SPAST: variants seen among roughly 807,000 people sequenced by gnomAD.
The protein encoded by SPAST is spastic paraplegia 4 (autosomal dominant; spastin).
Under a neutral mutation model 76.6 loss-of-function variants are expected in SPAST, and 30 were observed. The ratio of observed to expected loss-of-function variants is 0.39; its 90% CI spans 0.29 to 0.53. The LOEUF (loss-of-function observed/expected upper bound fraction) is 0.53. Ranked by LOEUF, SPAST falls within the 20% of genes least tolerant of loss-of-function variation. SPAST has a pLI of 0.68. For synonymous variants in SPAST, 305 were observed against 281.0 expected, an observed-to-expected ratio of 1.09 and a Z score of -0.86; for missense variants, 717 against 770.5, an observed-to-expected ratio of 0.93 and a Z score of 0.82.
At chr2:32,085,189 T>G (rs1391642863) in intron 1 of SPAST, among the ~76,000 whole-genome samples, 1 of 149,184 alleles carries the variant, frequency 6.7e-6, no homozygotes, top group Admixed American at 6.8e-5. Flanking sequence ...CTTAATAATT[T>G]CTTTTTCTTC....
At chr2:32,116,049 G>A in intron 6 of SPAST, 70 bp from the exon 7 acceptor site, 1 of 1,163,146 alleles carries the variant, frequency 8.6e-7, no homozygotes, top group Non-Finnish European at 1.3e-6. Flanking sequence ...ATGTCATAGG[G>A]CTTAGGCTTC....
intron 4 of SPAST, among the ~76,000 whole-genome samples, chr2:32,110,233 T>C (rs1405751580): frequency 6.7e-6 from 1 of 148,836 alleles, no homozygotes; most frequent in Non-Finnish European, 1.5e-5. Context: ...ATTCTCCTGC[T>C]TCAGTCTCCC....
At position 32,128,546 on chromosome 2, in the gene SPAST, A is replaced by G. The variant is rs913791854; in HGVS notation, c.1245+67A>G. The G allele has an allele frequency of 2.0e-5, 20 of 1,006,412 alleles. No individual in the cohort carries two copies. In the African/African-American group the frequency reaches 2.8e-4, roughly 14 times the overall value. The allele number at this position is 1,006,412 out of a possible 1,614,324, so 62.3% of individuals were successfully genotyped here. A position where few individuals can be genotyped will look rare whatever the true frequency, so the allele number is the denominator to read the frequency against. ...GTCTAAATGTTACTGTGTTAACTGT[A>G]AATGGTAATATTTCATGAAAATATT... is the stretch of plus-strand genomic sequence containing the variant. On this transcript the variant is annotated intron_variant, in intron 9 of 16. Transcript: ENST00000315285.
intron 1 of SPAST, among the ~76,000 whole-genome samples, chr2:32,067,008 C>T (rs1353817766): frequency 8.3e-6 from 1 of 120,832 alleles, no homozygotes; most frequent in South Asian, 2.8e-4. Flanking sequence ...AAAAAAAAAA[C>T]TGTTTTAATT....
intron 3 of SPAST, among the ~76,000 whole-genome samples, chr2:32,096,043 G>A (rs968744966): frequency 6.6e-6 from 1 of 152,238 alleles, no homozygotes; most frequent in African/African-American, 2.4e-5. Context: ...GGGGTTGGAT[G>A]TGAGGAGGTA....
chr2:32,116,426 C>G (rs186287031), intron 7 of SPAST, among the ~76,000 whole-genome samples: 22 of 152,160 alleles, frequency 1.4e-4, no homozygotes, highest in Admixed American at 1.4e-3. Context: ...AATTTCCAAT[C>G]CTTTTATATT....
intron 1 of SPAST, among the ~76,000 whole-genome samples, chr2:32,069,227 A>G (rs1366796014): frequency 6.6e-6 from 1 of 151,938 alleles, no homozygotes; most frequent in African/African-American, 2.4e-5. Flanking sequence ...AAAAAAAAAA[A>G]AAAGAAAACT....
intron 1 of SPAST, among the ~76,000 whole-genome samples, chr2:32,079,295 C>G (rs529565762): frequency 6.6e-6 from 1 of 151,900 alleles, no homozygotes; most frequent in Non-Finnish European, 1.5e-5. Flanking sequence ...GTGGGAGTAT[C>G]ACTTGAGCCC....
At position 32,154,605 on chromosome 2, in the gene SPAST, G is replaced by C; in HGVS notation, c.*109G>C. On this transcript the variant is annotated 3_prime_UTR_variant, in exon 17 of 17. Coordinates refer to ENST00000315285, the MANE Select transcript of SPAST (RefSeq NM_014946.4). ...CAGCCTAAGTTTACAGGACTTTTTA[G>C]AGTCTTACATATTTGTGCACCAAAC... 1.8e-6 allele frequency: 2 copies of C among 1,114,720 alleles called. No individual in the cohort carries two copies. Among genetic ancestry groups the C allele is most frequent in the Non-Finnish European group, 2.7e-6 (2 of 742,474 alleles). The allele number at this position is 1,114,720 out of a possible 1,614,324, so 69.1% of individuals were successfully genotyped here.
At chr2:32,095,747 TGAAAA>T (rs969844088) in intron 3 of SPAST, among the ~76,000 whole-genome samples, 2 of 150,624 alleles carry the variant, frequency 1.3e-5, no homozygotes, top group Non-Finnish European at 3.0e-5. Context: ...TCAAAGAAAA[TGAAAA>T]GAAAAAGAAT....
At chr2:32,128,291 G>A in intron 8 of SPAST, 117 bp from the exon 9 acceptor site, 1 of 776,258 alleles carries the variant, frequency 1.3e-6, no homozygotes, top group African/African-American at 1.7e-5. Flanking sequence ...CACCACACCT[G>A]GCCTCATAGC....
intron 1 of SPAST, among the ~76,000 whole-genome samples, chr2:32,070,668 T>C (rs1676712883): frequency 6.6e-6 from 1 of 152,160 alleles, no homozygotes; most frequent in Non-Finnish European, 1.5e-5. Context: ...CTTGGTCTGT[T>C]GTTCAGGCTG....
intron 3 of SPAST, among the ~76,000 whole-genome samples, chr2:32,093,332 A>T (rs1677796787): frequency 6.6e-6 from 1 of 151,248 alleles, no homozygotes; most frequent in African/African-American, 2.4e-5. Context: ...AAAAAAAAAA[A>T]ATAGCCGGGC....
intron 9 of SPAST, among the ~76,000 whole-genome samples, chr2:32,132,369 G>C (rs2148749821): frequency 6.6e-6 from 1 of 152,138 alleles, no homozygotes; most frequent in East Asian, 1.9e-4. Flanking sequence ...CTCCAGCCTG[G>C]GTGGCAGAGT....
chr2:32,149,259 T>TTTTTA (rs1449734127), intron 16 of SPAST, among the ~76,000 whole-genome samples: 1 of 146,954 alleles, frequency 6.8e-6, no homozygotes, highest in East Asian at 2.0e-4. Context: ...CCAGCTAATT[T>TTTTTA]TTTTTTTTTT....
chr2:32,091,209 T>C (rs961013222), intron 3 of SPAST, among the ~76,000 whole-genome samples: 3 of 150,284 alleles, frequency 2.0e-5, no homozygotes, highest in African/African-American at 7.3e-5. Flanking sequence ...TTATTTTGCA[T>C]GTCTGGGTCT....
In SPAST at chr2:32,098,901, G is replaced by A. The variant is rs751601373; in HGVS notation, c.682+10G>A. The A allele has an allele frequency of 1.9e-6, 3 of 1,556,830 alleles. No individual in the cohort carries two copies. The South Asian group carries it at 3.3e-5, about 17-fold the overall frequency. ...GGACATCTCCAGTCAGGTGGGTTTA[G>A]GTTAACTAACATAAAATAATAAAGC... is the stretch of plus-strand genomic sequence containing the variant. On this transcript the variant is annotated intron_variant, in intron 4 of 16. Transcript: ENST00000315285.
intron 1 of SPAST, among the ~76,000 whole-genome samples, chr2:32,068,057 C>T (rs1302041006): frequency 5.1e-4 from 77 of 150,660 alleles, no homozygotes; most frequent in African/African-American, 1.7e-3. Context: ...CGGCTCACTG[C>T]TAGCTCCGCC....
At chr2:32,122,481 C>CACCA (rs1679052836) in intron 7 of SPAST, among the ~76,000 whole-genome samples, 1 of 152,130 alleles carries the variant, frequency 6.6e-6, no homozygotes, top group Admixed American at 6.5e-5. Flanking sequence ...ACCACCACGC[C>CACCA]TGGCTAATTT....
Sources: gnomAD v4.1 joint callset for allele counts (sites outside exome capture counted in the v4.1 genomes callset) on GRCh38, gnomAD v4.1.1 for gene constraint, MANE v1.5 for transcripts, NCBI Gene and HGNC (gene_info 2026-07-23, HGNC 2026-07-21) for gene names.